Variants in METTL4 observed in about 807,000 individuals in gnomAD.
The protein encoded by METTL4 is N(6)-adenine-specific methyltransferase METTL4.
A neutral mutation model predicts 54.0 loss-of-function variants in METTL4; 40 were observed. The observed-to-expected ratio is 0.74, with a 90% confidence interval of 0.58 to 0.96. The LOEUF (loss-of-function observed/expected upper bound fraction) is 0.96, where lower values mean the gene tolerates loss of function less well. Among genes scored for constraint, METTL4 ranks in the 50% least tolerant of loss-of-function variants. METTL4 has a pLI of 0.00. For synonymous variants in METTL4, 169 were observed against 183.8 expected (o/e 0.92, Z 0.65); for missense variants, 525 against 549.0 (o/e 0.96, Z 0.44).
chr18:2,551,921 A>G (rs2072166719), intron 5 of METTL4, among the ~76,000 whole-genome samples: 1 of 152,100 alleles, frequency 6.6e-6, no homozygotes, highest in African/African-American at 2.4e-5. Flanking sequence ...AAGGCCAGGC[A>G]CGGTGGCTCA....
chr18:2,538,237 T>C lies in METTL4; in HGVS notation c.*763A>G, dbSNP rs981825741. 7 of 259,270 alleles carry C rather than the reference T, an allele frequency of 2.7e-5. No homozygotes were observed. The highest frequency in any genetic ancestry group is 4.3e-5 in the Non-Finnish European group (6 of 139,646). The allele number at this position is 259,270 out of a possible 1,614,324, so 16.1% of individuals were successfully genotyped here. A position where few individuals can be genotyped will look rare whatever the true frequency, so the allele number is the denominator to read the frequency against. ...TGCCATGTTTATTATAAGGAATAGC[T>C]TTTCATTTTCTTCTAGAAAAACAAG... On this transcript the variant is annotated 3_prime_UTR_variant, in exon 9 of 9. Coordinates refer to ENST00000574538, the MANE Select transcript of METTL4 (RefSeq NM_022840.5).
chr18:2,559,895 C>T (rs2072291296), intron 3 of METTL4, among the ~76,000 whole-genome samples: 1 of 152,138 alleles, frequency 6.6e-6, no homozygotes, highest in Admixed American at 6.6e-5. Context: ...ACAACCACAC[C>T]TGGCTAATTT....
intron 6 of METTL4, 129 bp from the exon 7 acceptor site, chr18:2,544,888 T>C (rs1437507518): frequency 1.6e-5 from 8 of 511,384 alleles, no homozygotes; most frequent in East Asian, 3.4e-5. Context: ...GCCACATTTA[T>C]CATTTTAAAT....
intron 3 of METTL4, 189 bp from the exon 4 acceptor site, chr18:2,555,227 A>G: frequency 1.7e-6 from 1 of 596,022 alleles, no homozygotes; most frequent in South Asian, 2.2e-5. Context: ...GCAGAGTGAA[A>G]CAACCCTCAC....
At chr18:2,550,752 C>A (rs977942937) in intron 5 of METTL4, among the ~76,000 whole-genome samples, 3 of 152,186 alleles carry the variant, frequency 2.0e-5, no homozygotes, top group African/African-American at 4.8e-5. Flanking sequence ...TCAAAAGATA[C>A]TGAAGAAGTA....
chr18:2,558,055 A>G (rs1162760131), intron 3 of METTL4, among the ~76,000 whole-genome samples: 1 of 152,236 alleles, frequency 6.6e-6, no homozygotes, highest in African/African-American at 2.4e-5. Context: ...GAAAAACACT[A>G]TCAACTAACT....
At position 2,541,722 on chromosome 18, in the gene METTL4, C is replaced by T. The variant is rs141456716; in HGVS notation, c.1273+2473G>A. Among the ~76,000 whole-genome samples the T allele has an allele frequency of 2.1e-3, 290 of 138,360 alleles. 2 individuals are homozygous for T. The highest frequency in any genetic ancestry group is 7.3e-3 in the African/African-American group (272 of 37,248). The allele number at this position is 138,360 out of a possible 152,430, so 90.8% of individuals were successfully genotyped here. A position where few individuals can be genotyped will look rare whatever the true frequency, so the allele number is the denominator to read the frequency against. On this transcript the variant is annotated intron_variant, in intron 8 of 8. Transcript: ENST00000574538. Reference sequence around the variant, plus strand: ...TACCAATGTGGTCTCCTACATTTTGCAACAGAAATAACCAATTAAACTTAA... The same window carrying T: ...TACCAATGTGGTCTCCTACATTTTGTAACAGAAATAACCAATTAAACTTAA...
intron 3 of METTL4, among the ~76,000 whole-genome samples, chr18:2,557,845 A>G (rs57366987): frequency 0.52 from 79,652 of 152,002 alleles, 21,423 homozygotes; most frequent in African/African-American, 0.65. Flanking sequence ...ATGAAACTAA[A>G]GCAAGCTAAT....
intron 8 of METTL4, among the ~76,000 whole-genome samples, chr18:2,542,958 T>A (rs2072015395): frequency 6.6e-6 from 1 of 151,834 alleles, no homozygotes; most frequent in African/African-American, 2.4e-5. Context: ...CGAAACCCCG[T>A]CTCTACTAAA....
intron 6 of METTL4, 70 bp downstream of exon 6, chr18:2,547,285 C>T: frequency 7.7e-7 from 1 of 1,302,714 alleles, no homozygotes. Flanking sequence ...TTGAGCATTA[C>T]AAAGTAGATG....
intron 5 of METTL4, among the ~76,000 whole-genome samples, chr18:2,550,778 T>C (rs923861067): frequency 1.3e-5 from 2 of 152,212 alleles, no homozygotes; most frequent in African/African-American, 4.8e-5. Flanking sequence ...ACTGAACATG[T>C]ATAATCCAGA....
intron 8 of METTL4, among the ~76,000 whole-genome samples, chr18:2,543,970 G>A (rs546376795): frequency 1.3e-5 from 2 of 152,296 alleles, no homozygotes; most frequent in East Asian, 3.9e-4. Context: ...AGGGGAATCT[G>A]AAAAATGGTA....
rs1331032884 is a variant in METTL4, at chr18:2,567,058, C to T, written c.159G>A (p.Val53=). ...VHFESLQMDS[V]SSSGVCAAFI... is the part of the protein sequence containing the mutation. The stretch of plus-strand genomic sequence containing the variant: ...ATGCAGCACAGACTCCAGAGGAGGA[C>T]ACAGAATCCATTTGAAGAGACTCAA... Residue 53 remains valine (V), a synonymous_variant, in exon 2 of 9, where the codon GTG becomes GTA. Coordinates refer to ENST00000574538, the MANE Select transcript of METTL4 (RefSeq NM_022840.5). 1.9e-6 allele frequency: 3 copies of T among 1,614,166 alleles called. No homozygotes were observed. The highest frequency in any genetic ancestry group is 2.5e-6 in the Non-Finnish European group (3 of 1,180,014).
chr18:2,544,475 T>G (rs1031027580), intron 7 of METTL4, among the ~76,000 whole-genome samples, 178 bp downstream of exon 7: 5 of 151,908 alleles, frequency 3.3e-5, no homozygotes. Context: ...TAATGACAAT[T>G]ACACACTAGA....
intron 2 of METTL4, 76 bp from the exon 3 acceptor site, chr18:2,563,935 TG>T (rs1216026053): frequency 3.4e-6 from 3 of 892,804 alleles, no homozygotes; most frequent in Non-Finnish European, 5.4e-6. Flanking sequence ...ACATTATTTA[TG>T]TCTTATATCT....
chr18:2,552,980 T>A (rs1013862974), intron 4 of METTL4: 1 of 472,614 alleles, frequency 2.1e-6, no homozygotes, highest in Non-Finnish European at 3.8e-6. Context: ...ATGTTACCTA[T>A]TGCAATTGTT....
At chr18:2,550,390 C>T (rs2072136353) in intron 5 of METTL4, among the ~76,000 whole-genome samples, 1 of 152,134 alleles carries the variant, frequency 6.6e-6, no homozygotes, top group African/African-American at 2.4e-5. Context: ...AACTAGACCC[C>T]TCATTGCCAG....
chr18:2,564,467 T>C (rs1168662750), intron 2 of METTL4, among the ~76,000 whole-genome samples: 2 of 152,234 alleles, frequency 1.3e-5, no homozygotes, highest in African/African-American at 4.8e-5. Context: ...ATAGTTATTC[T>C]CAATTTCCTT....
At chr18:2,555,980 C>T (rs750037243) in intron 3 of METTL4, among the ~76,000 whole-genome samples, 10 of 152,146 alleles carry the variant, frequency 6.6e-5, no homozygotes, top group Admixed American at 4.6e-4. Context: ...ATGCAGAGTC[C>T]AATAGTCTCT....
Sources: allele counts gnomAD v4.1 joint callset (sites outside exome capture counted in the v4.1 genomes callset), GRCh38; gene constraint gnomAD v4.1.1; transcripts MANE v1.5; gene names NCBI Gene and HGNC (gene_info 2026-07-23, HGNC 2026-07-21).